ACTR3C: variants seen among roughly 807,000 people sequenced by gnomAD.
The protein encoded by ACTR3C is actin related protein 3C, also known as actin-related protein 3C.
In ACTR3C, 18 loss-of-function variants were observed where a neutral mutation model predicts 26.3. The ratio of observed to expected loss-of-function variants is 0.68; its 90% CI spans 0.47 to 1.01. The LOEUF is 1.01. Ranked by LOEUF, ACTR3C falls within the 50% of genes least tolerant of loss-of-function variation. ACTR3C has a pLI of 0.00. For missense variants in ACTR3C, 184 were observed against 250.7 expected, an observed-to-expected ratio of 0.73 and a Z score of 1.80; for synonymous variants, 55 against 94.5, an observed-to-expected ratio of 0.58 and a Z score of 2.42.
chr7:149,895,688 G>T, the ACTR3C span, among the ~76,000 whole-genome samples: 3 of 151,970 alleles, frequency 2.0e-5, no homozygotes, highest in Admixed American at 2.0e-4. Flanking sequence ...TAAAAAATTA[G>T]CCAGGCACAA....
chr7:150,295,720 G>A (rs1286420119), intron 1 of ACTR3C, among the ~76,000 whole-genome samples: 11 of 150,014 alleles, frequency 7.3e-5, no homozygotes, highest in African/African-American at 1.3e-4. Context: ...AAGGCGAACC[G>A]GTGACTTCAG....
chr7:149,969,269 CTGTG>C, the ACTR3C span, among the ~76,000 whole-genome samples: 1,580 of 141,258 alleles, frequency 0.011, 27 homozygotes, highest in African/African-American at 0.035. Flanking sequence ...TCAGAAAGAG[CTGTG>C]TGTGTGTGTG....
the ACTR3C span, among the ~76,000 whole-genome samples, chr7:149,885,269 C>T: frequency 6.6e-6 from 1 of 152,202 alleles, no homozygotes; most frequent in African/African-American, 2.4e-5. Context: ...GGGAAAGGAG[C>T]CTGGGAGGCC....
the ACTR3C span, among the ~76,000 whole-genome samples, chr7:150,137,116 T>TTCCTC: frequency 6.6e-6 from 1 of 152,210 alleles, no homozygotes. Flanking sequence ...TCACCTCCTG[T>TTCCTC]GCAGCCCTGT....
At chr7:150,158,870 A>G in the ACTR3C span, among the ~76,000 whole-genome samples, 1 of 151,150 alleles carries the variant, frequency 6.6e-6, no homozygotes, top group Non-Finnish European at 1.5e-5. Context: ...ATGCCCACAC[A>G]CACACGTGCA....
chr7:150,035,266 C>T, the ACTR3C span, among the ~76,000 whole-genome samples: 60 of 74,586 alleles, frequency 8.0e-4, 13 homozygotes, highest in African/African-American at 2.2e-3. Flanking sequence ...GGGGCTGGCT[C>T]TCAGTCCCTG....
the ACTR3C span, among the ~76,000 whole-genome samples, chr7:150,221,755 G>A: frequency 6.6e-6 from 1 of 152,154 alleles, no homozygotes; most frequent in Non-Finnish European, 1.5e-5. Flanking sequence ...AGCACTTTGG[G>A]AGGCCGAGGA....
At chr7:150,248,180 G>A (rs1201894935) in intron 7 of ACTR3C, 3 of 152,164 alleles carry the variant, frequency 2.0e-5, no homozygotes, top group Non-Finnish European at 4.4e-5. Flanking sequence ...CAGTTTCTCT[G>A]CGGTGTCAGC....
At chr7:150,216,950 C>A in the ACTR3C span, among the ~76,000 whole-genome samples, 1 of 142,548 alleles carries the variant, frequency 7.0e-6, no homozygotes, top group African/African-American at 2.8e-5. Flanking sequence ...CATGCCACTG[C>A]ACTCTAGCCT....
At chr7:150,016,903 A>G in the ACTR3C span, among the ~76,000 whole-genome samples, 2 of 152,118 alleles carry the variant, frequency 1.3e-5, no homozygotes, top group Admixed American at 1.3e-4. Flanking sequence ...ACATTCTTAC[A>G]TAAGAGAAGT....
Position 150,275,439 on chromosome 7 carries a change from G to A in ACTR3C, c.564+9314C>T, listed in dbSNP as rs545990301. ...AACATAAACAGCGACAACCAGGCGC[G>A]GTGGCTCACACTTGTAATCCCAGCA... On this transcript the variant is annotated intron_variant, in intron 6 of 7. Coordinates refer to ENST00000683684, the MANE Select transcript of ACTR3C (RefSeq NM_001164458.2). 3.4e-3 allele frequency among the ~76,000 whole-genome samples: 525 copies of A among 152,318 alleles called. 12 individuals are homozygous for A. The highest frequency in any genetic ancestry group is 4.5e-3 in the Non-Finnish European group (308 of 68,020).
intron 6 of ACTR3C, among the ~76,000 whole-genome samples, chr7:150,252,124 CTGTGTGTGTGTGTGTGTGTGTGCA>C (rs1294917840): frequency 6.8e-6 from 1 of 146,942 alleles, no homozygotes; most frequent in African/African-American, 2.5e-5. Flanking sequence ...GTGTATGTGT[CTGTGTGTGTGTGTGTGTGTGTGCA>C]TGTGTGTGTG....
At chr7:150,015,776 T>TC in the ACTR3C span, among the ~76,000 whole-genome samples, 1 of 152,102 alleles carries the variant, frequency 6.6e-6, no homozygotes, top group Non-Finnish European at 1.5e-5. Context: ...CAGTGACCGC[T>TC]CCCTCCTCCA....
At chr7:149,971,875 C>T in the ACTR3C span, among the ~76,000 whole-genome samples, 2 of 152,248 alleles carry the variant, frequency 1.3e-5, no homozygotes, top group African/African-American at 4.8e-5. Context: ...GACTGCATCT[C>T]AGCTGTTGGA....
chr7:150,058,249 T>G, the ACTR3C span, among the ~76,000 whole-genome samples: 1 of 152,104 alleles, frequency 6.6e-6, no homozygotes, highest in Non-Finnish European at 1.5e-5. Flanking sequence ...ACCGGAAGGT[T>G]TTTGTTGTTG....
At chr7:150,004,625 C>G in the ACTR3C span, 6 of 152,142 alleles carry the variant, frequency 3.9e-5, no homozygotes, top group Non-Finnish European at 7.3e-5. Flanking sequence ...GTGGGAAAAC[C>G]TTACAGACAC....
At chr7:150,275,636 A>G (rs1834808399) in intron 6 of ACTR3C, among the ~76,000 whole-genome samples, 1 of 151,762 alleles carries the variant, frequency 6.6e-6, no homozygotes. Context: ...GCTTGAATCC[A>G]GGAGGCAGAG....
the ACTR3C span, among the ~76,000 whole-genome samples, chr7:150,016,163 T>G: frequency 2.0e-5 from 3 of 152,244 alleles, no homozygotes; most frequent in East Asian, 5.8e-4. Context: ...ACTGGCTCAT[T>G]CGGACTAACC....
chr7:150,208,043 C>T, the ACTR3C span, among the ~76,000 whole-genome samples: 1 of 152,100 alleles, frequency 6.6e-6, no homozygotes, highest in East Asian at 1.9e-4. Flanking sequence ...ACATAGGAAA[C>T]AACATATTTC....
Sources: allele counts gnomAD v4.1 joint callset (sites outside exome capture counted in the v4.1 genomes callset), GRCh38; gene constraint gnomAD v4.1.1; transcripts MANE v1.5; gene names NCBI Gene and HGNC (gene_info 2026-07-23, HGNC 2026-07-21).